The following CWC22 variants were observed in gnomAD, a reference collection of about 807,000 sequenced individuals.
CWC22 encodes the protein pre-mRNA-splicing factor CWC22 homolog.
A neutral mutation model predicts 117.2 loss-of-function variants in CWC22; 53 were observed. The observed-to-expected ratio is 0.45, with a 90% CI of 0.36 to 0.57. The LOEUF is 0.57. Ranked by LOEUF, CWC22 falls within the 20% of genes least tolerant of loss-of-function variation. The pLI is 0.00. For missense variants in CWC22, 980 were observed against 1,068.8 expected, an observed-to-expected ratio of 0.92 and a Z score of 1.16; for synonymous variants, 360 against 355.6, an observed-to-expected ratio of 1.01 and a Z score of -0.14.
intron 1 of CWC22, among the ~76,000 whole-genome samples, chr2:179,995,923 G>A (rs1035732183): frequency 2.0e-5 from 3 of 152,214 alleles, no homozygotes; most frequent in Non-Finnish European, 2.9e-5. Context: ...GGGGAATCCA[G>A]GAGGGGAGAG....
chr2:179,978,985 G>T (rs1416300805), intron 5 of CWC22, among the ~76,000 whole-genome samples: 1 of 152,080 alleles, frequency 6.6e-6, no homozygotes, highest in African/African-American at 2.4e-5. Flanking sequence ...AAATTACTTG[G>T]CCTCATTGAG....
At chr2:179,978,398 G>A in intron 5 of CWC22, 80 bp from the exon 6 acceptor site, 1 of 1,326,480 alleles carries the variant, frequency 7.5e-7, no homozygotes, top group Non-Finnish European at 9.7e-7. Flanking sequence ...ACTACATAGT[G>A]CTCCTTAATT....
At chr2:179,951,428 AC>A (rs35300813) in intron 17 of CWC22, among the ~76,000 whole-genome samples, 19,352 of 152,010 alleles carry the variant, frequency 0.13, 1,695 homozygotes, top group Admixed American at 0.28. Flanking sequence ...GAGTGAGACA[AC>A]CAGAAAGACA....
intron 19 of CWC22, among the ~76,000 whole-genome samples, chr2:179,949,825 A>G (rs1686401152): frequency 6.6e-6 from 1 of 152,222 alleles, no homozygotes; most frequent in Non-Finnish European, 1.5e-5. Context: ...CTACATAGCA[A>G]TATTACTGAA....
At chr2:180,003,266 G>C (rs1687888564) in intron 1 of CWC22, among the ~76,000 whole-genome samples, 1 of 152,118 alleles carries the variant, frequency 6.6e-6, no homozygotes, top group Non-Finnish European at 1.5e-5. Context: ...TCCTCATTGA[G>C]TGAGATGAAA....
At chr2:179,979,468 A>G (rs777036951) in intron 5 of CWC22, among the ~76,000 whole-genome samples, 11 of 152,308 alleles carry the variant, frequency 7.2e-5, no homozygotes, top group Non-Finnish European at 1.6e-4. Context: ...TTCCCCAAAC[A>G]CATTCATGGA....
intron 5 of CWC22, among the ~76,000 whole-genome samples, chr2:179,980,138 C>A (rs1559293346): frequency 6.6e-6 from 1 of 152,162 alleles, no homozygotes; most frequent in Non-Finnish European, 1.5e-5. Flanking sequence ...TTGGACTGGA[C>A]TGGAGAAAGT....
At chr2:179,984,028 A>G (rs922629470) in intron 4 of CWC22, among the ~76,000 whole-genome samples, 4 of 152,116 alleles carry the variant, frequency 2.6e-5, no homozygotes, top group African/African-American at 9.6e-5. Context: ...TTGGACTGTT[A>G]GCCTTTATGT....
Position 179,988,562 on chromosome 2 carries a change from T to C in CWC22, c.95+15A>G. The C allele has an allele frequency of 7.5e-7, 1 of 1,334,784 alleles. No individual in the cohort carries two copies. The highest frequency in any genetic ancestry group is 1.0e-6 in the Non-Finnish European group (1 of 958,626). The allele number at this position is 1,334,784 out of a possible 1,614,324, so 82.7% of individuals were successfully genotyped here. On this transcript the variant is annotated intron_variant, in intron 3 of 19. Coordinates refer to ENST00000410053, the MANE Select transcript of CWC22 (RefSeq NM_020943.3). ...AAAAATTTACATTGCATTCAGAGCA[T>C]ATTAAACTATTTACCTGTCTTCTGG...
chr2:179,993,515 A>AT (rs1220786836), intron 1 of CWC22, 61 bp from the exon 2 acceptor site: 3 of 560,062 alleles, frequency 5.4e-6, no homozygotes, highest in Non-Finnish European at 9.5e-6. Context: ...ATGATGATAT[A>AT]TTTTTTCTAT....
chr2:179,990,538 GAGAC>G (rs1364455545), intron 2 of CWC22, among the ~76,000 whole-genome samples: 9 of 77,346 alleles, frequency 1.2e-4, no homozygotes, highest in South Asian at 4.9e-4. Flanking sequence ...GTGAGTGAGT[GAGAC>G]AGACAGAGAG....
At chr2:179,946,946 A>C (rs1246677993) in intron 19 of CWC22, among the ~76,000 whole-genome samples, 1 of 152,176 alleles carries the variant, frequency 6.6e-6, no homozygotes, top group Non-Finnish European at 1.5e-5. Flanking sequence ...TTCTGAAAAG[A>C]CCTCAAACAA....
chr2:179,977,666 AT>A (rs1424088271), intron 6 of CWC22, among the ~76,000 whole-genome samples: 1 of 152,196 alleles, frequency 6.6e-6, no homozygotes. Context: ...ACCACAGTTA[AT>A]AACCATATAT....
At chr2:179,974,754 T>C (rs919753661) in intron 6 of CWC22, among the ~76,000 whole-genome samples, 6 of 152,090 alleles carry the variant, frequency 3.9e-5, no homozygotes, top group Non-Finnish European at 8.8e-5. Flanking sequence ...CCCACCTTTT[T>C]TGGAGAGGTT....
intron 11 of CWC22, 83 bp from the exon 12 acceptor site, chr2:179,966,065 C>T (rs749188899): frequency 1.7e-5 from 18 of 1,072,006 alleles, no homozygotes; most frequent in Admixed American, 6.5e-5. Flanking sequence ...ATTCTCAGTT[C>T]GTTGAAATCC....
Position 179,954,988 on chromosome 2 carries a change from G to C in CWC22, c.1505C>G (p.Thr502Arg). 6.2e-7 allele frequency: 1 copy of C among 1,601,752 alleles called. No individual in the cohort carries two copies. The highest frequency in any genetic ancestry group is 8.5e-7 in the Non-Finnish European group (1 of 1,173,534). Residue 502 changes from threonine to arginine, a missense_variant, in exon 15 of 20, where the codon ACA becomes AGA. Coordinates refer to ENST00000410053, the MANE Select transcript of CWC22 (RefSeq NM_020943.3). ...MILDCCAQQR[T>R]YEKFFGLLAG... is the part of the protein sequence containing the mutation. The stretch of plus-strand genomic sequence containing the variant: ...TAATAAGCCAAAAAATTTTTCGTAT[G>C]TCCTCTGTTGGGCACAGCAATCAAG...
At chr2:180,000,134 CTGTCT>C (rs1393747763) in intron 1 of CWC22, among the ~76,000 whole-genome samples, 12 of 152,060 alleles carry the variant, frequency 7.9e-5, no homozygotes, top group African/African-American at 2.9e-4. Flanking sequence ...CTATTTTTTC[CTGTCT>C]TAATTTACAT....
chr2:180,001,989 T>C (rs1036229469), intron 1 of CWC22, among the ~76,000 whole-genome samples: 17 of 152,212 alleles, frequency 1.1e-4, no homozygotes, highest in African/African-American at 4.1e-4. Context: ...ATCTTTTCTT[T>C]CTCCATATTA....
chr2:179,997,244 G>C (rs1016463306), intron 1 of CWC22, among the ~76,000 whole-genome samples: 3 of 151,756 alleles, frequency 2.0e-5, no homozygotes, highest in Admixed American at 1.3e-4. Flanking sequence ...TACATCTTTC[G>C]TAAGGTGATA....
Sources: allele counts gnomAD v4.1 joint callset (sites outside exome capture counted in the v4.1 genomes callset), GRCh38; gene constraint gnomAD v4.1.1; transcripts MANE v1.5; gene names NCBI Gene and HGNC (gene_info 2026-07-23, HGNC 2026-07-21).